The following MME variants were observed in gnomAD, a reference collection of about 807,000 sequenced individuals.
The protein encoded by MME is membrane metalloendopeptidase.
MME carries 98 observed loss-of-function variants against 113.2 expected under a neutral mutation model. The ratio of observed to expected loss-of-function variants is 0.87; its 90% CI spans 0.74 to 1.02. The LOEUF is 1.02. Ranked by LOEUF, MME falls within the 50% of genes least tolerant of loss-of-function variation. The pLI, the probability that MME is intolerant of heterozygous loss-of-function variation, is 0.00. For missense variants in MME, 836 were observed against 896.0 expected, an observed-to-expected ratio of 0.93 and a Z score of 0.86; for synonymous variants, 292 against 300.6, an observed-to-expected ratio of 0.97 and a Z score of 0.30.
At chr3:155,046,524 C>G (rs977198266) in intron 1 of MME, among the ~76,000 whole-genome samples, 17 of 152,098 alleles carry the variant, frequency 1.1e-4, no homozygotes, top group African/African-American at 3.9e-4. Context: ...CCCATCTCTA[C>G]TAAAAATACA....
intron 22 of MME, among the ~76,000 whole-genome samples, chr3:155,173,190 TCAC>T (rs1260001572): frequency 7.3e-5 from 11 of 151,448 alleles, no homozygotes; most frequent in African/African-American, 2.7e-4. Flanking sequence ...TTGAAGAGAG[TCAC>T]TCCAACCAAC....
chr3:155,025,661 T>C (rs1050941704), intron 1 of MME, among the ~76,000 whole-genome samples: 7 of 141,382 alleles, frequency 5.0e-5, no homozygotes, highest in African/African-American at 1.6e-4. Flanking sequence ...AGATACCAAG[T>C]GGTATCAGAT....
intron 17 of MME, among the ~76,000 whole-genome samples, chr3:155,163,412 C>T (rs951120684): frequency 6.6e-6 from 1 of 152,132 alleles, no homozygotes; most frequent in Admixed American, 6.6e-5. Flanking sequence ...TTCATATCAA[C>T]AAAAAAGTCA....
chr3:155,117,798 G>A (rs1247846709), intron 7 of MME, among the ~76,000 whole-genome samples: 1 of 152,072 alleles, frequency 6.6e-6, no homozygotes, highest in Non-Finnish European at 1.5e-5. Context: ...TCACCTTGAG[G>A]ACCAGGGGGT....
chr3:155,106,252 C>T (rs962351296), intron 3 of MME, among the ~76,000 whole-genome samples: 4 of 152,172 alleles, frequency 2.6e-5, no homozygotes, highest in African/African-American at 9.7e-5. Flanking sequence ...AAGTATAAGT[C>T]ATGACCTTGG....
upstream of MME, among the ~76,000 whole-genome samples, chr3:155,076,574 G>T (rs1387542206): frequency 6.6e-6 from 1 of 152,136 alleles, no homozygotes; most frequent in East Asian, 1.9e-4. Flanking sequence ...CCTCTTGCAA[G>T]AAAGAATTCA....
intron 14 of MME, 129 bp from the exon 15 acceptor site, chr3:155,147,015 A>T: frequency 3.0e-6 from 2 of 675,262 alleles, no homozygotes; most frequent in Non-Finnish European, 5.4e-6. Context: ...ATCTCTGTTT[A>T]AGTATGTCAG....
chr3:155,077,460 CT>C (rs1304847617), upstream of MME, among the ~76,000 whole-genome samples: 3 of 152,128 alleles, frequency 2.0e-5, no homozygotes, highest in African/African-American at 4.8e-5. Flanking sequence ...GTTGGGGACT[CT>C]TTAAGATCCC....
intron 16 of MME, among the ~76,000 whole-genome samples, chr3:155,160,153 TA>T (rs906186392): frequency 6.6e-6 from 1 of 152,006 alleles, no homozygotes; most frequent in Non-Finnish European, 1.5e-5. Context: ...GAGGCCTCCA[TA>T]AAAATCCATG....
At chr3:155,168,876 C>CA (rs985581941) in intron 20 of MME, 79 bp downstream of exon 20, 3 of 1,274,296 alleles carry the variant, frequency 2.4e-6, no homozygotes, top group South Asian at 2.7e-5. Context: ...AAACCTTTTG[C>CA]AAAAAAAGAA....
chr3:155,103,202 A>G (rs1056605130), intron 3 of MME, among the ~76,000 whole-genome samples: 1 of 152,154 alleles, frequency 6.6e-6, no homozygotes, highest in African/African-American at 2.4e-5. Context: ...TCATTATTCT[A>G]TTTCTAGCAC....
At chr3:155,179,708 G>T (rs932085946) in intron 22 of MME, among the ~76,000 whole-genome samples, 2 of 152,162 alleles carry the variant, frequency 1.3e-5, no homozygotes, top group Admixed American at 6.5e-5. Context: ...ACTGCTAGGT[G>T]CAGATAGTGA....
At chr3:155,078,408 T>A (rs55705607), upstream of MME, among the ~76,000 whole-genome samples, 2,239 of 152,246 alleles carry the variant, frequency 0.015, 61 homozygotes, top group African/African-American at 0.051. Context: ...ATTTTTCCTC[T>A]ATATTAATCG....
intron 3 of MME, among the ~76,000 whole-genome samples, chr3:155,091,382 T>C (rs992210775): frequency 1.3e-5 from 2 of 152,234 alleles, no homozygotes; most frequent in Admixed American, 1.3e-4. Flanking sequence ...TACACCATCA[T>C]TTTTTAATGA....
At chr3:155,154,192 T>C (rs1310414403) in intron 16 of MME, among the ~76,000 whole-genome samples, 1 of 152,118 alleles carries the variant, frequency 6.6e-6, no homozygotes, top group African/African-American at 2.4e-5. Context: ...GCATGGTGTT[T>C]TTTTTCTAAT....
rs1491222487 is a variant in MME, at chr3:155,063,362, T to TATATATATTTATATATAAATATATATTTC, written c.-10-20785_-10-20757dup. On this transcript the variant is annotated intron_variant, in intron 1 of 22. Transcript: ENST00000492661. ...ATAATTATATAATGTATATTATATT[T>TATATATATTTATATATAAATATATATTTC]ATATATATTTATATATAAATATATA... Among the ~76,000 whole-genome samples, 395 of 106,018 alleles carry TATATATATTTATATATAAATATATATTTC rather than the reference T, an allele frequency of 3.7e-3. 1 individual carries two copies. The highest frequency in any genetic ancestry group is 5.3e-3 in the Non-Finnish European group (319 of 59,900). 69.6% of individuals were successfully genotyped at this position (106,018 alleles called of 152,430 possible). A position where few individuals can be genotyped will look rare whatever the true frequency, so the allele number is the denominator to read the frequency against.
chr3:155,074,711 C>T (rs1007503143), upstream of MME, among the ~76,000 whole-genome samples: 1 of 152,114 alleles, frequency 6.6e-6, no homozygotes, highest in African/African-American at 2.4e-5. Context: ...GGATTACAGG[C>T]ATGAGTTACC....
In MME at chr3:155,084,235, G is replaced by A. The variant is rs201850855; in HGVS notation, c.68G>A (p.Arg23Gln). 293 of 1,614,042 alleles carry A rather than the reference G, an allele frequency of 1.8e-4. No individual in the cohort carries two copies. Among genetic ancestry groups the A allele is most frequent in the Non-Finnish European group, 2.3e-4 (268 of 1,179,962 alleles). ...ACTCCAAAGCCAAAGAAGAAACAGC[G>A]ATGGACTCCACTGGAGATCAGCCTC... ...INTPKPKKKQ[R>Q]WTPLEISLSV... is the part of the protein sequence containing the mutation. Residue 23 changes from arginine to glutamine, a missense_variant, in exon 2 of 23, where the codon CGA becomes CAA. Coordinates refer to ENST00000360490, the MANE Select transcript of MME (RefSeq NM_007289.4).
At chr3:155,045,365 G>T (rs1383128261) in intron 1 of MME, among the ~76,000 whole-genome samples, 1 of 151,830 alleles carries the variant, frequency 6.6e-6, no homozygotes, top group African/African-American at 2.4e-5. Flanking sequence ...GGCCGGGATG[G>T]TCTCCATCTC....
Sources: gnomAD v4.1 joint callset for allele counts (sites outside exome capture counted in the v4.1 genomes callset) on GRCh38, gnomAD v4.1.1 for gene constraint, MANE v1.5 for transcripts, NCBI Gene and HGNC (gene_info 2026-07-23, HGNC 2026-07-21) for gene names.